The following GABRB1 variants were observed in gnomAD, a reference collection of about 807,000 sequenced individuals.
GABRB1 encodes gamma-aminobutyric acid type A receptor subunit beta1.
Under a neutral mutation model 51.6 loss-of-function variants are expected in GABRB1, and 17 were observed. The ratio of observed to expected loss-of-function variants is 0.33; its 90% CI spans 0.23 to 0.49. The LOEUF (loss-of-function observed/expected upper bound fraction) is 0.49, where lower values mean the gene tolerates loss of function less well. Among genes scored for constraint, GABRB1 ranks in the 20% least tolerant of loss-of-function variants. The probability of loss-of-function intolerance (pLI) is 0.99; values close to 1 mark genes in which losing one functional copy is unlikely to be tolerated. For synonymous variants in GABRB1, 247 were observed against 218.9 expected, an observed-to-expected ratio of 1.13 and a Z score of -1.14; for missense variants, 410 against 600.6, an observed-to-expected ratio of 0.68 and a Z score of 3.32.
chr4:47,076,848 C>T (rs1727576347), intron 3 of GABRB1, among the ~76,000 whole-genome samples: 1 of 152,128 alleles, frequency 6.6e-6, no homozygotes, highest in Non-Finnish European at 1.5e-5. Context: ...TAATAAATCA[C>T]TTCCACGAGG....
At chr4:47,364,462 A>G (rs1182778449) in intron 5 of GABRB1, among the ~76,000 whole-genome samples, 1 of 152,112 alleles carries the variant, frequency 6.6e-6, no homozygotes, top group African/African-American at 2.4e-5. Flanking sequence ...TGATAAAGAC[A>G]GAGAAGGGAG....
At chr4:47,195,442 A>G (rs868016181) in intron 4 of GABRB1, among the ~76,000 whole-genome samples, 10 of 116,620 alleles carry the variant, frequency 8.6e-5, no homozygotes, top group African/African-American at 3.2e-4. Context: ...ATAGATAGAT[A>G]GATGATAGAT....
chr4:47,389,654 G>T (rs1015563502), intron 5 of GABRB1, among the ~76,000 whole-genome samples: 2 of 152,180 alleles, frequency 1.3e-5, no homozygotes, highest in Non-Finnish European at 2.9e-5. Flanking sequence ...GAGATACAAA[G>T]TTCCATGAGA....
At chr4:47,259,140 G>A (rs181544157) in intron 4 of GABRB1, among the ~76,000 whole-genome samples, 17 of 152,146 alleles carry the variant, frequency 1.1e-4, no homozygotes, top group East Asian at 1.9e-4. Flanking sequence ...CCATCTTTGA[G>A]AGAGCCCCAT....
chr4:47,410,399 G>C (rs891534363), intron 8 of GABRB1, among the ~76,000 whole-genome samples: 3 of 152,124 alleles, frequency 2.0e-5, no homozygotes, highest in African/African-American at 7.2e-5. Flanking sequence ...AACTAAAAGA[G>C]AATCAACTTT....
At chr4:47,055,903 T>A (rs1726577536) in intron 3 of GABRB1, among the ~76,000 whole-genome samples, 1 of 152,220 alleles carries the variant, frequency 6.6e-6, no homozygotes, top group Admixed American at 6.5e-5. Context: ...ATTCTGTGAC[T>A]CTTCTTAGGG....
chr4:47,010,358 T>C (rs1724549487), intron 1 of GABRB1, among the ~76,000 whole-genome samples: 1 of 152,202 alleles, frequency 6.6e-6, no homozygotes, highest in African/African-American at 2.4e-5. Flanking sequence ...ATTATTTAGT[T>C]CAGATCTCTG....
intron 5 of GABRB1, among the ~76,000 whole-genome samples, chr4:47,331,357 C>A (rs2109975454): frequency 6.6e-6 from 1 of 152,162 alleles, no homozygotes; most frequent in African/African-American, 2.4e-5. Context: ...AAAATAAAAG[C>A]CAGTGGGGGA....
At chr4:47,156,438 C>A (rs1411890441) in intron 3 of GABRB1, among the ~76,000 whole-genome samples, 1 of 152,024 alleles carries the variant, frequency 6.6e-6, no homozygotes, top group African/African-American at 2.4e-5. Context: ...AGTGAAGGAG[C>A]ATCTCTGGCC....
chr4:47,212,598 G>A (rs1346390538), intron 4 of GABRB1, among the ~76,000 whole-genome samples: 1 of 152,090 alleles, frequency 6.6e-6, no homozygotes, highest in Non-Finnish European at 1.5e-5. Flanking sequence ...GGAATTGCTT[G>A]GGCCTGGTAG....
intron 3 of GABRB1, among the ~76,000 whole-genome samples, chr4:47,035,719 C>T (rs944471197): frequency 6.6e-6 from 1 of 152,112 alleles, no homozygotes; most frequent in African/African-American, 2.4e-5. Flanking sequence ...TAAATGGAGA[C>T]AAGAGCTCCC....
At chr4:47,310,120 G>A (rs1189870204) in intron 4 of GABRB1, among the ~76,000 whole-genome samples, 1 of 152,070 alleles carries the variant, frequency 6.6e-6, no homozygotes, top group East Asian at 1.9e-4. Flanking sequence ...AAACTGTCTT[G>A]CATTGCAATC....
intron 4 of GABRB1, among the ~76,000 whole-genome samples, chr4:47,281,727 G>A (rs1382944508): frequency 4.6e-5 from 7 of 152,094 alleles, no homozygotes; most frequent in African/African-American, 1.7e-4. Flanking sequence ...AAAAAATTCT[G>A]TTATTTGTAA....
intron 5 of GABRB1, among the ~76,000 whole-genome samples, chr4:47,392,956 C>T (rs1728054811): frequency 6.6e-6 from 1 of 152,204 alleles, no homozygotes. Flanking sequence ...TTTGAGAAAG[C>T]TAACTACATC....
intron 8 of GABRB1, among the ~76,000 whole-genome samples, chr4:47,416,800 T>A (rs1188747142): frequency 6.6e-6 from 1 of 152,014 alleles, no homozygotes. Context: ...TCTGTCACCC[T>A]GTTTTACATT....
At chr4:47,199,836 C>T (rs1203162259) in intron 4 of GABRB1, among the ~76,000 whole-genome samples, 2 of 151,996 alleles carry the variant, frequency 1.3e-5, no homozygotes, top group African/African-American at 4.8e-5. Context: ...AAGACAGGGA[C>T]GGTGCTTAGT....
intron 3 of GABRB1, among the ~76,000 whole-genome samples, chr4:47,050,189 A>G (rs547874618): frequency 6.6e-6 from 1 of 152,262 alleles, no homozygotes; most frequent in East Asian, 1.9e-4. Flanking sequence ...CAAAGGTGTT[A>G]CTAAGTTATT....
chr4:47,357,536 C>T (rs1266439230), intron 5 of GABRB1, among the ~76,000 whole-genome samples: 1 of 152,156 alleles, frequency 6.6e-6, no homozygotes, highest in African/African-American at 2.4e-5. Flanking sequence ...AAGCCAGGTT[C>T]CACGAATCAC....
At chr4:47,159,714 G>A (rs537363875) in intron 3 of GABRB1, among the ~76,000 whole-genome samples, 2 of 152,020 alleles carry the variant, frequency 1.3e-5, no homozygotes, top group Non-Finnish European at 2.9e-5. Context: ...TGTGAGGAAT[G>A]AATATTGTTT....
Sources: gnomAD v4.1 joint callset for allele counts (sites outside exome capture counted in the v4.1 genomes callset) on GRCh38, gnomAD v4.1.1 for gene constraint, MANE v1.5 for transcripts, NCBI Gene and HGNC (gene_info 2026-07-23, HGNC 2026-07-21) for gene names.